Variants in SKIC2 observed in about 807,000 individuals in gnomAD.
The protein encoded by SKIC2 is SKI2 subunit of superkiller complex, also known as superkiller complex protein 2.
chr6:31,961,945 A>G, the SKIC2 span: 11 of 1,612,922 alleles, frequency 6.8e-6, no homozygotes, highest in East Asian at 2.2e-5. Context: ...GAAACAGGCC[A>G]TCCTGCACTT....
the SKIC2 span, chr6:31,962,828 C>T: frequency 2.6e-6 from 4 of 1,516,640 alleles, no homozygotes; most frequent in Non-Finnish European, 3.7e-6. This position sits in a 1 kb window ranked among gnomAD's most constrained non-coding sequence, Gnocchi z 5.0. Context: ...CAGAACCCGG[C>T]AGTCCTCTCC....
chr6:31,962,883 C>T, the SKIC2 span: 1 of 1,307,036 alleles, frequency 7.7e-7, no homozygotes, highest in Non-Finnish European at 1.1e-6. This position sits in a 1 kb window ranked among gnomAD's most constrained non-coding sequence, Gnocchi z 5.0. Flanking sequence ...CACTCAGGGC[C>T]CCTTACTGCT....
At chr6:31,960,853 A>G in the SKIC2 span, 1 of 948,020 alleles carries the variant, frequency 1.1e-6, no homozygotes. Flanking sequence ...TTCTGTCCAT[A>G]ACAACCTTTA....
At chr6:31,963,407 C>T in the SKIC2 span, 1 of 1,549,776 alleles carries the variant, frequency 6.5e-7, no homozygotes, top group Non-Finnish European at 8.7e-7. This position sits in a 1 kb window ranked among gnomAD's most constrained non-coding sequence, Gnocchi z 5.3. Context: ...CCTCTCCTTT[C>T]TTCAGGCGGC....
the SKIC2 span, chr6:31,969,334 T>G: frequency 6.2e-7 from 1 of 1,614,166 alleles, no homozygotes; most frequent in Admixed American, 1.7e-5. The surrounding 1 kb of genome is among the most constrained non-coding windows in gnomAD (Gnocchi z 6.1). Context: ...CCAGGTGGCT[T>G]GTGGCCTGAA....
chr6:31,967,331 T>C, the SKIC2 span: 1 of 1,612,856 alleles, frequency 6.2e-7, no homozygotes, highest in Non-Finnish European at 8.5e-7. This position sits in a 1 kb window ranked among gnomAD's most constrained non-coding sequence, Gnocchi z 4.9. Flanking sequence ...AGGGTGGTGG[T>C]TGTGAAGAAT....
the SKIC2 span, chr6:31,960,443 G>T: frequency 1.2e-6 from 2 of 1,613,832 alleles, no homozygotes; most frequent in African/African-American, 1.3e-5. Flanking sequence ...TCTTGCTGGA[G>T]AACACAAATC....
At chr6:31,968,782 C>T in the SKIC2 span, 1 of 1,606,312 alleles carries the variant, frequency 6.2e-7, no homozygotes. This position sits in a 1 kb window ranked among gnomAD's most constrained non-coding sequence, Gnocchi z 6.1. Flanking sequence ...TCCTGAGTAC[C>T]ATCAGCGAGT....
chr6:31,966,165 G>A, the SKIC2 span: 7 of 600,546 alleles, frequency 1.2e-5, no homozygotes, highest in South Asian at 4.4e-5. This position sits in a 1 kb window ranked among gnomAD's most constrained non-coding sequence, Gnocchi z 5.9. Context: ...GCACAATCTC[G>A]GGTCACCGCA....
At chr6:31,962,295 T>C in the SKIC2 span, 12 of 1,008,302 alleles carry the variant, frequency 1.2e-5, no homozygotes, top group Non-Finnish European at 1.8e-5. The surrounding 1 kb of genome is among the most constrained non-coding windows in gnomAD (Gnocchi z 5.0). Flanking sequence ...GGTTATATCA[T>C]GCAGGAGAAT....
chr6:31,967,915 G>A, the SKIC2 span: 2 of 1,612,908 alleles, frequency 1.2e-6, no homozygotes, highest in Admixed American at 3.3e-5. The surrounding 1 kb of genome is among the most constrained non-coding windows in gnomAD (Gnocchi z 4.9). Context: ...CAGGATGCCT[G>A]GGTCCATGGC....
the SKIC2 span, chr6:31,967,792 CAG>C: frequency 8.2e-5 from 133 of 1,612,900 alleles, no homozygotes; most frequent in Middle Eastern, 1.6e-4. The surrounding 1 kb of genome is among the most constrained non-coding windows in gnomAD (Gnocchi z 4.9). Flanking sequence ...ACCCACAGGA[CAG>C]GGGGCCAGCC....
the SKIC2 span, chr6:31,962,379 A>G: frequency 6.3e-7 from 1 of 1,581,814 alleles, no homozygotes; most frequent in Non-Finnish European, 8.7e-7. This position sits in a 1 kb window ranked among gnomAD's most constrained non-coding sequence, Gnocchi z 5.0. Context: ...TCCATGTGGG[A>G]GAGGAAGTGC....
chr6:31,962,904 C>G, the SKIC2 span: 1 of 1,327,590 alleles, frequency 7.5e-7, no homozygotes, highest in Non-Finnish European at 1.1e-6. The surrounding 1 kb of genome is among the most constrained non-coding windows in gnomAD (Gnocchi z 5.0). Context: ...TTCTTTACCC[C>G]CATATGGAAT....
the SKIC2 span, chr6:31,967,310 T>C: frequency 1.2e-6 from 2 of 1,613,026 alleles, no homozygotes; most frequent in Non-Finnish European, 1.7e-6. The surrounding 1 kb of genome is among the most constrained non-coding windows in gnomAD (Gnocchi z 4.9). Context: ...CTGAAGTCTC[T>C]CTCAGCAGGA....
the SKIC2 span, chr6:31,968,239 G>A: frequency 1.4e-6 from 2 of 1,432,032 alleles, no homozygotes; most frequent in Non-Finnish European, 1.9e-6. The surrounding 1 kb of genome is among the most constrained non-coding windows in gnomAD (Gnocchi z 6.1). Context: ...TGAAGTGGAG[G>A]TTGTAGTAAG....
chr6:31,960,904 C>T, the SKIC2 span: 3 of 875,302 alleles, frequency 3.4e-6, no homozygotes, highest in African/African-American at 3.4e-5. Flanking sequence ...CCTTTACTGT[C>T]ATCTGTTGGG....
the SKIC2 span, chr6:31,961,026 G>A: frequency 6.3e-7 from 1 of 1,593,852 alleles, no homozygotes; most frequent in South Asian, 1.1e-5. Flanking sequence ...CTGATTTCAT[G>A]TCCCTATCCT....
At chr6:31,967,656 T>A in the SKIC2 span, 7 of 1,588,594 alleles carry the variant, frequency 4.4e-6, no homozygotes, top group Non-Finnish European at 6.0e-6. This position sits in a 1 kb window ranked among gnomAD's most constrained non-coding sequence, Gnocchi z 4.9. Context: ...GTATCTGGTC[T>A]CTGCCTTTGA....
Sources: allele counts gnomAD v4.1 joint callset, GRCh38; gene constraint gnomAD v4.1.1; non-coding constraint Gnocchi (gnomAD v3.1); transcripts MANE v1.5; gene names NCBI Gene and HGNC (gene_info 2026-07-23, HGNC 2026-07-21).